NSG2: variants seen among roughly 807,000 people sequenced by gnomAD.
NSG2 encodes the protein neuronal vesicle trafficking-associated protein 2.
In NSG2, 4 loss-of-function variants were observed where a neutral mutation model predicts 16.9. That is an observed-to-expected ratio of 0.24 (90% CI 0.12 to 0.54). The LOEUF (loss-of-function observed/expected upper bound fraction) is 0.54. NSG2 is among the 20% of genes least tolerant of loss of function. NSG2 has a pLI of 0.95. For missense variants in NSG2, 179 were observed against 221.1 expected (o/e 0.81, Z 1.21); for synonymous variants, 98 against 88.7 (o/e 1.11, Z -0.59).
intron 3 of NSG2, among the ~76,000 whole-genome samples, chr5:174,096,187 G>A (rs1760791759): frequency 6.6e-6 from 1 of 152,238 alleles, no homozygotes; most frequent in Non-Finnish European, 1.5e-5. Flanking sequence ...ATGGAAGTGA[G>A]AAGTATTACC....
At chr5:174,074,208 G>A (rs188922182) in intron 3 of NSG2, among the ~76,000 whole-genome samples, 31 of 152,316 alleles carry the variant, frequency 2.0e-4, no homozygotes, top group Middle Eastern at 3.4e-3. Context: ...CTGAACCTGC[G>A]TTTCCCAATC....
chr5:174,095,765 T>A (rs1561674410), intron 3 of NSG2, among the ~76,000 whole-genome samples: 1 of 152,204 alleles, frequency 6.6e-6, no homozygotes, highest in Non-Finnish European at 1.5e-5. Context: ...GAGAGACAGA[T>A]GTTGTTACAA....
At chr5:174,082,203 G>A (rs1363818591) in intron 3 of NSG2, 1 of 152,192 alleles carries the variant, frequency 6.6e-6, no homozygotes, top group Non-Finnish European at 1.5e-5. Flanking sequence ...GCCCCATTCA[G>A]TCAATAAGTG....
intron 2 of NSG2, 27 bp from the exon 3 acceptor site, chr5:174,064,205 T>C: frequency 6.5e-7 from 1 of 1,541,934 alleles, no homozygotes; most frequent in Non-Finnish European, 8.9e-7. Flanking sequence ...TCTCCATGCA[T>C]GCTAACACAC....
At chr5:174,071,331 C>A (rs1418557290) in intron 3 of NSG2, among the ~76,000 whole-genome samples, 1 of 152,118 alleles carries the variant, frequency 6.6e-6, no homozygotes, top group African/African-American at 2.4e-5. Context: ...TACTAAAATA[C>A]AAAAATTAGC....
intron 2 of NSG2, among the ~76,000 whole-genome samples, chr5:174,063,670 C>G (rs1023710857): frequency 4.6e-5 from 7 of 151,826 alleles, no homozygotes; most frequent in African/African-American, 1.7e-4. Flanking sequence ...TGAAGCACAT[C>G]ATGGAGAATG....
At chr5:174,106,113 G>A (rs922519073) in intron 4 of NSG2, among the ~76,000 whole-genome samples, 1 of 152,142 alleles carries the variant, frequency 6.6e-6, no homozygotes, top group African/African-American at 2.4e-5. Flanking sequence ...AAGGGGAGGA[G>A]AGTGCTATTT....
rs1760327921 is a variant in NSG2, at chr5:174,075,644, C to T, written c.213+11329C>T. ...CCGTTTTCCCCAGGGTCTGTCATGC[C>T]ACCTGCTCCGCAATCCCAGTCACAA... On this transcript the variant is annotated intron_variant, in intron 3 of 4. Coordinates refer to ENST00000303177, the MANE Select transcript of NSG2 (RefSeq NM_015980.5). 1.3e-5 allele frequency among the ~76,000 whole-genome samples: 2 copies of T among 152,190 alleles called. 1 individual carries two copies. The highest frequency in any genetic ancestry group is 4.1e-4 in the South Asian group (2 of 4,830).
At chr5:174,097,833 T>C (rs73326845) in intron 3 of NSG2, among the ~76,000 whole-genome samples, 3 of 145,368 alleles carry the variant, frequency 2.1e-5, no homozygotes, top group Admixed American at 6.8e-5. Flanking sequence ...GTGTGTCTCT[T>C]TGTGTGTGTC....
chr5:174,047,948 T>C (rs1198563961), intron 2 of NSG2, among the ~76,000 whole-genome samples: 1 of 152,190 alleles, frequency 6.6e-6, no homozygotes, highest in African/African-American at 2.4e-5. Context: ...GAGGGCATTG[T>C]GTGTCTTAAC....
intron 3 of NSG2, among the ~76,000 whole-genome samples, chr5:174,102,207 C>T (rs1376976264): frequency 6.6e-6 from 1 of 152,214 alleles, no homozygotes; most frequent in Admixed American, 6.5e-5. Flanking sequence ...ATCCTCCCGA[C>T]ATCCATCTTC....
chr5:174,052,336 C>A (rs1428930772), intron 2 of NSG2, among the ~76,000 whole-genome samples: 1 of 151,870 alleles, frequency 6.6e-6, no homozygotes, highest in African/African-American at 2.4e-5. Context: ...AGATGTGGTA[C>A]CAGGTTGATT....
At chr5:174,104,375 A>C (rs1195013837) in intron 4 of NSG2, 37 bp downstream of exon 4, 1 of 1,420,254 alleles carries the variant, frequency 7.0e-7, no homozygotes. Context: ...TCACTATCAA[A>C]TTCAGTTAGA....
Position 174,108,905 on chromosome 5 carries a change from C to A in NSG2, c.*1400C>A, listed in dbSNP as rs1761026287. The A allele has an allele frequency of 6.5e-6, 1 of 152,750 alleles. No individual in the cohort carries two copies. The highest frequency in any genetic ancestry group is 2.4e-5 in the African/African-American group (1 of 41,448). 9.5% of individuals were successfully genotyped at this position (152,750 alleles called of 1,614,324 possible). A position where few individuals can be genotyped will look rare whatever the true frequency, so the allele number is the denominator to read the frequency against. On this transcript the variant is annotated 3_prime_UTR_variant, in exon 5 of 5. Transcript: ENST00000303177. ...GTGTTGCTGAGATCATCGTATGCAA[C>A]AGCTGGGTAATAAGACTAGCATAGC...
chr5:174,102,596 A>T (rs1003240990), intron 3 of NSG2, among the ~76,000 whole-genome samples: 6 of 150,630 alleles, frequency 4.0e-5, no homozygotes, highest in Non-Finnish European at 5.9e-5. Flanking sequence ...AAGTTAACCA[A>T]TTACTGGTTT....
intron 3 of NSG2, chr5:174,066,060 A>G (rs1327358727): frequency 2.8e-6 from 1 of 354,180 alleles, no homozygotes; most frequent in Non-Finnish European, 5.8e-6. Context: ...TCTCCCCACT[A>G]AATCAATACT....
intron 3 of NSG2, among the ~76,000 whole-genome samples, chr5:174,101,932 C>T (rs958228111): frequency 5.3e-5 from 8 of 152,172 alleles, no homozygotes; most frequent in Admixed American, 1.3e-4. Context: ...GATTTCTCCA[C>T]CTCAGCTCCA....
At chr5:174,076,416 C>T (rs935406048) in intron 3 of NSG2, among the ~76,000 whole-genome samples, 22 of 150,616 alleles carry the variant, frequency 1.5e-4, no homozygotes, top group African/African-American at 4.9e-4. Flanking sequence ...GAATCATGTA[C>T]AAGATATGAG....
rs1267535522 is a variant in NSG2 at position 174,109,009 on chromosome 5, A to G, written c.*1504A>G. ...CCTCCAATCACCCTGAGTCACCTGTAAATTCATTTGTCATTCAAAGCGGAA... is the reference window on the plus strand; with the variant it reads ...CCTCCAATCACCCTGAGTCACCTGTGAATTCATTTGTCATTCAAAGCGGAA... On this transcript the variant is annotated 3_prime_UTR_variant, in exon 5 of 5. Transcript: ENST00000303177. The G allele has an allele frequency of 6.5e-6, 1 of 152,810 alleles. No individual in the cohort carries two copies. The highest frequency in any genetic ancestry group is 1.5e-5 in the Non-Finnish European group (1 of 68,056). 9.5% of individuals were successfully genotyped at this position (152,810 alleles called of 1,614,324 possible).
Sources: gnomAD v4.1 joint callset for allele counts (sites outside exome capture counted in the v4.1 genomes callset) on GRCh38, gnomAD v4.1.1 for gene constraint, MANE v1.5 for transcripts, NCBI Gene and HGNC (gene_info 2026-07-23, HGNC 2026-07-21) for gene names.